TG: variants seen among roughly 807,000 people sequenced by gnomAD.
TG encodes thyroid hormones.
In TG, 270 loss-of-function variants were observed where a neutral mutation model predicts 324.7. The ratio of observed to expected loss-of-function variants is 0.83; its 90% CI spans 0.75 to 0.92. The LOEUF (loss-of-function observed/expected upper bound fraction) is 0.92. Among genes scored for constraint, TG ranks in the 40% least tolerant of loss-of-function variants. The pLI, the probability that TG is intolerant of heterozygous loss-of-function variation, is 0.00. For missense variants in TG, 3,591 were observed against 3,456.4 expected, an observed-to-expected ratio of 1.04 and a Z score of -0.98; for synonymous variants, 1,401 against 1,327.0, an observed-to-expected ratio of 1.06 and a Z score of -1.21.
chr8:133,042,681 T>C lies in TG; in HGVS notation c.7239+12658T>C, dbSNP rs1482206554. ...CACAATTCCTCTCATTCTGTGTCTT[T>C]TTTTTTTTTTTTTTTTTTTTTTTTT... is the stretch of plus-strand genomic sequence containing the variant. On this transcript the variant is annotated intron_variant, in intron 41 of 47. Transcript: ENST00000220616. Among the ~76,000 whole-genome samples, 3 of 81,334 alleles carry C rather than the reference T, an allele frequency of 3.7e-5. No individual in the cohort carries two copies. The East Asian group carries it at 9.3e-4, about 25-fold the overall frequency. 53.4% of individuals were successfully genotyped at this position (81,334 alleles called of 152,430 possible). A position where few individuals can be genotyped will look rare whatever the true frequency, so the allele number is the denominator to read the frequency against.
At chr8:133,019,004 G>A (rs1835313835) in intron 38 of TG, among the ~76,000 whole-genome samples, 1 of 152,258 alleles carries the variant, frequency 6.6e-6, no homozygotes, top group Admixed American at 6.5e-5. Flanking sequence ...ACCATGTTAG[G>A]ATGTACCCAT....
chr8:133,022,162 C>T lies in TG; in HGVS notation c.7036+12C>T. 1 of 1,613,878 alleles carries T rather than the reference C, an allele frequency of 6.2e-7. No homozygotes were observed. Among genetic ancestry groups the T allele is most frequent in the Non-Finnish European group, 8.5e-7 (1 of 1,179,924 alleles). On this transcript the variant is annotated intron_variant, in intron 40 of 47. Coordinates refer to ENST00000220616, the MANE Select transcript of TG (RefSeq NM_003235.5). ...CTTCCTGAGTTCTGGTGAGTTGCTG[C>T]CTCTGGTGGGAGCTGCTGACCCCCT...
chr8:132,962,176 A>G, intron 28 of TG, among the ~76,000 whole-genome samples: 1 of 152,130 alleles, frequency 6.6e-6, no homozygotes, highest in East Asian at 1.9e-4. Context: ...GGAGGAGAAA[A>G]TGAAAAGGAA....
Position 133,123,325 on chromosome 8 carries a change from G to A in TG, c.7862+6609G>A, listed in dbSNP as rs553743376. On this transcript the variant is annotated intron_variant, in intron 45 of 47. Coordinates refer to ENST00000220616, the MANE Select transcript of TG (RefSeq NM_003235.5). ...TGGAGTGTGCCAGAGAAACAGAGGG[G>A]TGGTTTCAGTGCTTCTTTGTGACAA... Among the ~76,000 whole-genome samples, 5 of 152,120 alleles carry A rather than the reference G, an allele frequency of 3.3e-5. No individual in the cohort carries two copies. The East Asian group carries it at 9.7e-4, about 30-fold the overall frequency.
chr8:133,091,087 G>T (rs1468237054), intron 41 of TG, among the ~76,000 whole-genome samples: 2 of 152,214 alleles, frequency 1.3e-5, no homozygotes, highest in Admixed American at 1.3e-4. Context: ...TGCTCTGAGA[G>T]GTAGGTGAGC....
chr8:133,045,448 G>T (rs911528196), intron 41 of TG, among the ~76,000 whole-genome samples: 2 of 131,292 alleles, frequency 1.5e-5, no homozygotes. Context: ...AGACTGGAGT[G>T]CAGTGGTGCC....
Position 132,967,915 on chromosome 8 carries a change from C to T in TG, c.5808C>T (p.Ala1936=). The change falls in exon 31 of 48, where the codon GCC becomes GCT. Residue 1936 remains alanine, a synonymous_variant. Transcript: ENST00000220616. ...QVCDDIMESN[A]QGCRLILPQM... ...GTGATGACATCATGGAGTCCAATGC[C>T]CAGGGCTGCAGACTGATCCTGCCTC... 6.2e-7 allele frequency: 1 copy of T among 1,613,938 alleles called. No individual in the cohort carries two copies. The highest frequency in any genetic ancestry group is 2.2e-5 in the East Asian group (1 of 44,870).
chr8:132,977,691 G>A (rs7013000), intron 34 of TG, among the ~76,000 whole-genome samples: 91,218 of 151,898 alleles, frequency 0.6, 28,651 homozygotes, highest in African/African-American at 0.73. Context: ...AGACCCATTC[G>A]CTATCACGAG....
At chr8:132,994,733 G>A (rs1320664672) in intron 35 of TG, 1 of 1,288,680 alleles carries the variant, frequency 7.8e-7, no homozygotes, top group Admixed American at 2.3e-5. Context: ...AGTCCGGGAG[G>A]TGAGAGGGAC....
At chr8:133,095,319 T>C (rs1355305992) in intron 42 of TG, 111 bp downstream of exon 42, 6 of 1,464,220 alleles carry the variant, frequency 4.1e-6, no homozygotes, top group Non-Finnish European at 5.7e-6. Flanking sequence ...CACATGAGGC[T>C]GATGACCAAC....
At chr8:133,067,196 T>C (rs1473363361) in intron 41 of TG, among the ~76,000 whole-genome samples, 1 of 152,022 alleles carries the variant, frequency 6.6e-6, no homozygotes, top group Non-Finnish European at 1.5e-5. Flanking sequence ...CCTCTCTGAG[T>C]GCGAGGCTGG....
chr8:132,935,289 C>T (rs950646198), intron 24 of TG, among the ~76,000 whole-genome samples: 1 of 151,926 alleles, frequency 6.6e-6, no homozygotes, highest in Non-Finnish European at 1.5e-5. Context: ...TACAGGCAGA[C>T]GCCACCACAC....
At chr8:132,893,410 GGTGTGGT>G in intron 10 of TG, among the ~76,000 whole-genome samples, 1 of 130,024 alleles carries the variant, frequency 7.7e-6, no homozygotes, top group African/African-American at 2.9e-5. Context: ...GTATGTGTGT[GGTGTGGT>G]GTGTGTATGT....
intron 42 of TG, among the ~76,000 whole-genome samples, 180 bp downstream of exon 42, chr8:133,095,388 C>T (rs1848256209): frequency 6.6e-6 from 1 of 152,100 alleles, no homozygotes. Flanking sequence ...CAGCCTGCAA[C>T]AGTCCAAACA....
At chr8:133,005,696 C>A (rs1833960104) in intron 35 of TG, among the ~76,000 whole-genome samples, 1 of 152,210 alleles carries the variant, frequency 6.6e-6, no homozygotes, top group Admixed American at 6.5e-5. Flanking sequence ...TTTTGACATA[C>A]ACTCATAGCC....
intron 35 of TG, chr8:132,995,217 A>G: frequency 1.0e-6 from 1 of 954,734 alleles, no homozygotes; most frequent in South Asian, 4.9e-5. Context: ...TTTAAGGTAG[A>G]ATTCACCATG....
chr8:133,126,428 G>T (rs188768009), intron 45 of TG, among the ~76,000 whole-genome samples: 2 of 152,138 alleles, frequency 1.3e-5, no homozygotes, highest in Non-Finnish European at 2.9e-5. Context: ...CTGGACAGCC[G>T]TTATCATACT....
chr8:132,914,830 G>C (rs1294140535), intron 20 of TG, among the ~76,000 whole-genome samples: 1 of 152,196 alleles, frequency 6.6e-6, no homozygotes, highest in Admixed American at 6.5e-5. Flanking sequence ...GGGTGGGTGA[G>C]ATAGGGTTGC....
intron 45 of TG, among the ~76,000 whole-genome samples, chr8:133,126,162 A>G (rs1056475846): frequency 6.6e-6 from 1 of 152,230 alleles, no homozygotes; most frequent in African/African-American, 2.4e-5. Flanking sequence ...CTTTTGGTGC[A>G]GGATCAGAGG....
Sources: allele counts gnomAD v4.1 joint callset (sites outside exome capture counted in the v4.1 genomes callset), GRCh38; gene constraint gnomAD v4.1.1; transcripts MANE v1.5; gene names NCBI Gene and HGNC (gene_info 2026-07-23, HGNC 2026-07-21).